The following BCL10 variants were observed in gnomAD, a reference collection of about 807,000 sequenced individuals.
BCL10 encodes the protein BCL10 immune signaling adaptor, also known as B-cell lymphoma/leukemia 10.
BCL10 carries 5 observed loss-of-function variants against 19.2 expected under a neutral mutation model. The ratio of observed to expected loss-of-function variants is 0.26; its 90% CI spans 0.14 to 0.55. The LOEUF (loss-of-function observed/expected upper bound fraction) is 0.55, where lower values mean the gene tolerates loss of function less well. Ranked by LOEUF, BCL10 falls within the 20% of genes least tolerant of loss-of-function variation. The pLI, the probability that BCL10 is intolerant of heterozygous loss-of-function variation, is 0.94. For synonymous variants in BCL10, 110 were observed against 98.8 expected, an observed-to-expected ratio of 1.11 and a Z score of -0.67; for missense variants, 201 against 271.9, an observed-to-expected ratio of 0.74 and a Z score of 1.83.
In BCL10 at chr1:85,276,509, T is replaced by C. The variant is rs1660538266; in HGVS notation, c.-157A>G. 2.6e-6 allele frequency: 2 copies of C among 767,088 alleles called. No homozygotes were observed. The highest frequency in any genetic ancestry group is 3.4e-5 in the South Asian group (2 of 58,730). 47.5% of individuals were successfully genotyped at this position (767,088 alleles called of 1,614,324 possible). ...GCCGCCCCTTCGGGAACAGAGGGAC[T>C]CGGGGGTCAAACCGTAGCGCTTCCG... On this transcript the variant is annotated 5_prime_UTR_variant, in exon 1 of 3. Coordinates refer to ENST00000648566, the MANE Select transcript of BCL10 (RefSeq NM_003921.5).
Position 85,276,435 on chromosome 1 carries a change from G to C in BCL10, c.-83C>G. The C allele has an allele frequency of 1.3e-6, 2 of 1,482,118 alleles. No homozygotes were observed. The highest frequency in any genetic ancestry group is 2.3e-5 in the South Asian group (2 of 87,908). 91.8% of individuals were successfully genotyped at this position (1,482,118 alleles called of 1,614,324 possible). On this transcript the variant is annotated 5_prime_UTR_variant, in exon 1 of 3. Coordinates refer to ENST00000648566, the MANE Select transcript of BCL10 (RefSeq NM_003921.5). ...GCCCTGGCTGGGGGCTTCGGCCTCC[G>C]GGTAATGGGGAAGAAGGAGAGGAGG...
chr1:85,268,950 G>A (rs1660284002), intron 2 of BCL10, among the ~76,000 whole-genome samples: 1 of 152,162 alleles, frequency 6.6e-6, no homozygotes, highest in African/African-American at 2.4e-5. Context: ...GAATGTATCC[G>A]CCAAAAGTTC....
rs764805281 is a variant in BCL10 at position 85,271,633 on chromosome 1, G to A, written c.58-727C>T. On this transcript the variant is annotated intron_variant, in intron 1 of 2. Transcript: ENST00000648566. ...TAAATGGCATTAATAATTTGGTACCGGTGACTGTATTTTAGCTCCTCTATT... is the reference window on the plus strand; with the variant it reads ...TAAATGGCATTAATAATTTGGTACCAGTGACTGTATTTTAGCTCCTCTATT... Among the ~76,000 whole-genome samples, 8 of 152,056 alleles carry A rather than the reference G, an allele frequency of 5.3e-5. No homozygotes were observed. The East Asian group carries it at 5.8e-4, about 11-fold the overall frequency.
Position 85,276,625 on chromosome 1 carries a change from C to T in BCL10, c.-273G>A. On this transcript the variant is annotated 5_prime_UTR_variant, in exon 1 of 3. Transcript: ENST00000648566. The stretch of plus-strand genomic sequence containing the variant: ...TCCTTCCCTCTCGTAGAGGCTCAGG[C>T]GCAGGCACCGCCCCACGGCGAGGCG... 1 of 546,644 alleles carries T rather than the reference C, an allele frequency of 1.8e-6. No individual in the cohort carries two copies. Among genetic ancestry groups the T allele is most frequent in the Non-Finnish European group, 3.3e-6 (1 of 305,078 alleles). 33.9% of individuals were successfully genotyped at this position (546,644 alleles called of 1,614,324 possible). A position where few individuals can be genotyped will look rare whatever the true frequency, so the allele number is the denominator to read the frequency against.
rs1326132170 is a variant in BCL10, at chr1:85,266,568, A to G, written c.*1059T>C. 5.5e-6 allele frequency: 1 copy of G among 182,050 alleles called. No individual in the cohort carries two copies. Among genetic ancestry groups the G allele is most frequent in the Non-Finnish European group, 1.2e-5 (1 of 85,314 alleles). The allele number at this position is 182,050 out of a possible 1,614,324, so 11.3% of individuals were successfully genotyped here. A position where few individuals can be genotyped will look rare whatever the true frequency, so the allele number is the denominator to read the frequency against. On this transcript the variant is annotated 3_prime_UTR_variant, in exon 3 of 3. Transcript: ENST00000648566. ...AAAGAGAATGAAAAGTACAGAGAAA[A>G]TATTTTTTAAAAATCTCATCAGGCT... is the stretch of plus-strand genomic sequence containing the variant.
At chr1:85,268,866 C>A (rs1660281348) in intron 2 of BCL10, among the ~76,000 whole-genome samples, 1 of 151,876 alleles carries the variant, frequency 6.6e-6, no homozygotes, top group Non-Finnish European at 1.5e-5. Context: ...AACTACAATT[C>A]AATAGATAAT....
intron 1 of BCL10, among the ~76,000 whole-genome samples, chr1:85,274,631 A>G (rs1660462700): frequency 6.6e-6 from 1 of 152,234 alleles, no homozygotes; most frequent in Admixed American, 6.5e-5. Context: ...AAGGATAGTA[A>G]AAGTTCAATA....
intron 2 of BCL10, 55 bp from the exon 3 acceptor site, chr1:85,268,037 C>CAAGATGGACAG: frequency 8.2e-7 from 1 of 1,226,856 alleles, no homozygotes; most frequent in Non-Finnish European, 1.1e-6. Context: ...AATGGAGTCA[C>CAAGATGGACAG]TGTCCATCTT....
At chr1:85,269,209 C>T (rs1317413456) in intron 2 of BCL10, among the ~76,000 whole-genome samples, 2 of 152,222 alleles carry the variant, frequency 1.3e-5, no homozygotes, top group African/African-American at 2.4e-5. Context: ...TAACCAGCCT[C>T]CAGAACTGTA....
chr1:85,276,402 G>A lies in BCL10; in HGVS notation c.-50C>T, dbSNP rs1206420274. 8.8e-6 allele frequency: 14 copies of A among 1,596,702 alleles called. No individual in the cohort carries two copies. Among genetic ancestry groups the A allele is most frequent in the Middle Eastern group, 1.8e-4 (1 of 5,590 alleles). On this transcript the variant is annotated 5_prime_UTR_variant, in exon 1 of 3. Transcript: ENST00000648566. ...TTCCGGGTCCGGGAGCTCGGGCTGC[G>A]CCGCCCCGCCCTGGCTGGGGGCTTC...
chr1:85,272,895 A>G (rs1253426635), intron 1 of BCL10, among the ~76,000 whole-genome samples: 1 of 152,224 alleles, frequency 6.6e-6, no homozygotes, highest in African/African-American at 2.4e-5. Context: ...GACAAGGTTC[A>G]TTGATAATAT....
intron 1 of BCL10, among the ~76,000 whole-genome samples, chr1:85,274,558 G>C (rs1660459647): frequency 6.6e-6 from 1 of 152,108 alleles, no homozygotes; most frequent in Non-Finnish European, 1.5e-5. Context: ...CCAAGACAAA[G>C]GGTGGTAGCA....
At chr1:85,271,201 G>C (rs1660363324) in intron 1 of BCL10, among the ~76,000 whole-genome samples, 1 of 152,172 alleles carries the variant, frequency 6.6e-6, no homozygotes, top group South Asian at 2.1e-4. Flanking sequence ...GGTCTGTTGA[G>C]GGCCATCTTC....
Position 85,276,566 on chromosome 1 carries a change from T to TCTACG in BCL10, c.-219_-215dup, listed in dbSNP as rs1231698219. ...CCTCTGAGGTCGACGGCGACGCGAA[T>TCTACG]CTACGCGACGCGACGCGGAGCTCGG... On this transcript the variant is annotated 5_prime_UTR_variant, in exon 1 of 3. Transcript: ENST00000648566. 1.2e-5 allele frequency: 7 copies of TCTACG among 603,648 alleles called. No individual in the cohort carries two copies. The highest frequency in any genetic ancestry group is 2.1e-5 in the Non-Finnish European group (7 of 341,236). 37.4% of individuals were successfully genotyped at this position (603,648 alleles called of 1,614,324 possible).
In BCL10 at chr1:85,276,473, GGA is replaced by G; in HGVS notation, c.-123_-122del. 8.8e-7 allele frequency: 1 copy of G among 1,133,252 alleles called. No individual in the cohort carries two copies. The highest frequency in any genetic ancestry group is 1.3e-5 in the South Asian group (1 of 76,158). 70.2% of individuals were successfully genotyped at this position (1,133,252 alleles called of 1,614,324 possible). On this transcript the variant is annotated 5_prime_UTR_variant, in exon 1 of 3. Transcript: ENST00000648566. ...GAAGGAGAGGAGGCGGAGCGGGTCG[GGA>G]GAAAGACGGCCGCCCCTTCGGGAAC...
Position 85,276,387 on chromosome 1 carries a change from G to T in BCL10, c.-35C>A. On this transcript the variant is annotated 5_prime_UTR_variant, in exon 1 of 3. Coordinates refer to ENST00000648566, the MANE Select transcript of BCL10 (RefSeq NM_003921.5). The stretch of plus-strand genomic sequence containing the variant: ...GGGAGATGGCGCTTCTTCCGGGTCC[G>T]GGAGCTCGGGCTGCGCCGCCCCGCC... 6.2e-7 allele frequency: 1 copy of T among 1,611,678 alleles called. No homozygotes were observed. The highest frequency in any genetic ancestry group is 8.5e-7 in the Non-Finnish European group (1 of 1,178,350).
chr1:85,270,344 C>T, intron 2 of BCL10, among the ~76,000 whole-genome samples: 1 of 152,226 alleles, frequency 6.6e-6, no homozygotes, highest in Admixed American at 6.5e-5. Context: ...ACAATCATGG[C>T]TCACTATAGC....
intron 1 of BCL10, among the ~76,000 whole-genome samples, chr1:85,273,412 C>CTTG (rs894371098): frequency 1.3e-5 from 2 of 152,140 alleles, no homozygotes; most frequent in Non-Finnish European, 2.9e-5. Flanking sequence ...CAATCATTTT[C>CTTG]TTGTTGTTGT....
At chr1:85,273,057 AGGTCAGT>A in intron 1 of BCL10, among the ~76,000 whole-genome samples, 1 of 152,150 alleles carries the variant, frequency 6.6e-6, no homozygotes. Context: ...TTTAAGATTT[AGGTCAGT>A]GGTCATCTTC....
Sources: gnomAD v4.1 joint callset for allele counts (sites outside exome capture counted in the v4.1 genomes callset) on GRCh38, gnomAD v4.1.1 for gene constraint, MANE v1.5 for transcripts, NCBI Gene and HGNC (gene_info 2026-07-23, HGNC 2026-07-21) for gene names.